The following KCNC4 variants were observed in gnomAD, a reference collection of about 807,000 sequenced individuals.
KCNC4 encodes the protein potassium voltage-gated channel subfamily C member 4.
Under a neutral mutation model 42.8 loss-of-function variants are expected in KCNC4, and 23 were observed. The ratio of observed to expected loss-of-function variants is 0.54; its 90% CI spans 0.39 to 0.76. The LOEUF is 0.76. Among genes scored for constraint, KCNC4 ranks in the 30% least tolerant of loss-of-function variants. KCNC4 has a pLI of 0.00. For synonymous variants in KCNC4, 422 were observed against 393.5 expected, an observed-to-expected ratio of 1.07 and a Z score of -0.86; for missense variants, 751 against 898.2, an observed-to-expected ratio of 0.84 and a Z score of 2.10.
chr1:110,276,529 A>G (rs60128680), intron 1 of KCNC4, among the ~76,000 whole-genome samples: 38,821 of 151,842 alleles, frequency 0.26, 5,495 homozygotes, highest in Non-Finnish European at 0.32. Flanking sequence ...GAGTGAAGAC[A>G]TAGGTACCTA....
chr1:110,221,379 G>A (rs1037350016), intron 1 of KCNC4: 3 of 152,238 alleles, frequency 2.0e-5, no homozygotes, highest in African/African-American at 7.2e-5. Flanking sequence ...AGGGTCATTG[G>A]GAGGATTGAA....
chr1:110,241,830 G>A (rs1659040260), exon 4 of KCNC4: 1 of 152,128 alleles, frequency 6.6e-6, no homozygotes, highest in Non-Finnish European at 1.5e-5. Flanking sequence ...CTCCATTATA[G>A]CACTTACTGC....
intron 1 of KCNC4, among the ~76,000 whole-genome samples, chr1:110,266,918 C>G (rs1441852001): frequency 1.1e-5 from 1 of 91,178 alleles, no homozygotes; most frequent in East Asian, 2.9e-4. Context: ...GGTTAGTTCT[C>G]TTGAAGCATC....
intron 3 of KCNC4, chr1:110,232,101 A>C: frequency 1.2e-6 from 1 of 858,238 alleles, no homozygotes; most frequent in Non-Finnish European, 1.8e-6. Flanking sequence ...CTGGTAAGGT[A>C]GGGGAAGGAA....
At chr1:110,283,525 GGAGACACACT>G (rs1659863702), downstream of KCNC4, among the ~76,000 whole-genome samples, 1 of 152,146 alleles carries the variant, frequency 6.6e-6, no homozygotes, top group Admixed American at 6.5e-5. Flanking sequence ...CAGTGGAAGT[GGAGACACACT>G]GACTGGTTGT....
exon 4 of KCNC4, chr1:110,240,096 G>A (rs2101053812): frequency 6.6e-6 from 1 of 152,444 alleles, no homozygotes; most frequent in East Asian, 1.9e-4. Flanking sequence ...AGAAGCAGAG[G>A]GAGGGAAGTG....
intron 1 of KCNC4, among the ~76,000 whole-genome samples, chr1:110,257,720 C>CAAAAAAAAAAAAAAAAAAAAAAAAAA (rs56333861): frequency 2.2e-5 from 2 of 90,972 alleles, no homozygotes; most frequent in African/African-American, 9.9e-5. Flanking sequence ...GACTCCGTCT[C>CAAAAAAAAAAAAAAAAAAAAAAAAAA]AAAAAAAAAA....
At chr1:110,273,035 G>A (rs1193229628) in intron 1 of KCNC4, among the ~76,000 whole-genome samples, 1 of 152,202 alleles carries the variant, frequency 6.6e-6, no homozygotes, top group Non-Finnish European at 1.5e-5. Flanking sequence ...AATTGGCCTT[G>A]GCAGAATGAA....
At chr1:110,261,727 T>C (rs975493989) in intron 1 of KCNC4, among the ~76,000 whole-genome samples, 13 of 152,244 alleles carry the variant, frequency 8.5e-5, no homozygotes, top group Admixed American at 2.6e-4. Flanking sequence ...TTGATGATGT[T>C]AATTTTATAA....
chr1:110,247,695 C>G (rs1167226678), exon 4 of KCNC4: 1 of 151,988 alleles, frequency 6.6e-6, no homozygotes, highest in Non-Finnish European at 1.5e-5. Flanking sequence ...GCTGGGACTA[C>G]AGGTGCGTGC....
intron 1 of KCNC4, chr1:110,221,333 A>C (rs1274148825): frequency 6.6e-6 from 1 of 152,210 alleles, no homozygotes; most frequent in Non-Finnish European, 1.5e-5. Context: ...TGTTCAGTTC[A>C]TCCTGCATAA....
intron 1 of KCNC4, among the ~76,000 whole-genome samples, chr1:110,280,924 C>T (rs1351020344): frequency 6.6e-6 from 1 of 152,102 alleles, no homozygotes; most frequent in Non-Finnish European, 1.5e-5. Flanking sequence ...CCAGAGCTGC[C>T]CAGTGATCTT....
intron 1 of KCNC4, among the ~76,000 whole-genome samples, chr1:110,215,211 C>T (rs928965898): frequency 1.3e-5 from 2 of 152,208 alleles, no homozygotes; most frequent in African/African-American, 4.8e-5. Context: ...CAGGCCTGGC[C>T]CAAGGAGCTG....
At chr1:110,264,229 A>C (rs12127427) in intron 1 of KCNC4, among the ~76,000 whole-genome samples, 39,000 of 152,080 alleles carry the variant, frequency 0.26, 5,698 homozygotes, top group Non-Finnish European at 0.33. Context: ...TTACAGGCAA[A>C]GTCATAAATC....
intron 1 of KCNC4, among the ~76,000 whole-genome samples, chr1:110,265,499 G>C (rs1009438675): frequency 5.3e-5 from 8 of 152,222 alleles, no homozygotes. Context: ...AGCTTTTAGA[G>C]AGGGCTGCCC....
intron 1 of KCNC4, chr1:110,272,584 C>CAA (rs1379535352): frequency 6.6e-6 from 1 of 152,186 alleles, no homozygotes; most frequent in Non-Finnish European, 1.5e-5. Flanking sequence ...CACAATAGTG[C>CAA]TGTTTTCTTG....
At chr1:110,220,156 C>T (rs2101004033) in intron 1 of KCNC4, 1 of 152,382 alleles carries the variant, frequency 6.6e-6, no homozygotes, top group South Asian at 2.1e-4. Context: ...CATCTGCCCT[C>T]TCTTGTGCCT....
intron 1 of KCNC4, among the ~76,000 whole-genome samples, chr1:110,262,385 T>A (rs961622510): frequency 6.6e-6 from 1 of 152,224 alleles, no homozygotes; most frequent in East Asian, 1.9e-4. Context: ...TGGAGTACTT[T>A]GTCTTTTGAT....
intron 1 of KCNC4, among the ~76,000 whole-genome samples, chr1:110,268,505 C>T (rs1290307053): frequency 6.7e-6 from 1 of 148,700 alleles, no homozygotes; most frequent in Non-Finnish European, 1.5e-5. Context: ...ACTCCGGAGG[C>T]TGAGGCGGGA....
Sources: allele counts gnomAD v4.1 joint callset (sites outside exome capture counted in the v4.1 genomes callset), GRCh38; gene constraint gnomAD v4.1.1; transcripts MANE v1.5; gene names NCBI Gene and HGNC (gene_info 2026-07-23, HGNC 2026-07-21).